The following KCNN2 variants were observed in gnomAD, a reference collection of about 807,000 sequenced individuals.
KCNN2 encodes potassium calcium-activated channel subfamily N member 2.
Under a neutral mutation model 55.5 loss-of-function variants are expected in KCNN2, and 24 were observed. The ratio of observed to expected loss-of-function variants is 0.43; its 90% CI spans 0.31 to 0.61. KCNN2 has a LOEUF of 0.61. Among genes scored for constraint, KCNN2 ranks in the 20% least tolerant of loss-of-function variants. KCNN2 has a pLI of 0.08. For synonymous variants in KCNN2, 431 were observed against 336.1 expected (o/e 1.28, Z -3.09); for missense variants, 754 against 853.6 (o/e 0.88, Z 1.45).
intron 7 of KCNN2, 97 bp from the exon 8 acceptor site, chr5:114,495,798 A>G: frequency 8.5e-7 from 1 of 1,175,392 alleles, no homozygotes; most frequent in South Asian, 1.4e-5. Flanking sequence ...GTTACACTGA[A>G]TGCCACCAGC....
In KCNN2 at chr5:114,323,741, G is replaced by A. The variant is rs920550957; in HGVS notation, c.-184-37204G>A. ...CTGATCTCAGCTCACTGCAACCTCC[G>A]TCTGCCCGGTTCAAGAGATTCTTCA... On this transcript the variant is annotated intron_variant, in intron 2 of 10. Coordinates refer to the KCNN2 transcript ENST00000512097. 2.1e-5 allele frequency among the ~76,000 whole-genome samples: 3 copies of A among 141,140 alleles called. No individual in the cohort carries two copies. The Admixed American group carries it at 2.4e-4, about 11-fold the overall frequency. 92.6% of individuals were successfully genotyped at this position (141,140 alleles called of 152,430 possible). A position where few individuals can be genotyped will look rare whatever the true frequency, so the allele number is the denominator to read the frequency against.
intron 3 of KCNN2, among the ~76,000 whole-genome samples, chr5:114,458,510 G>A (rs183644116): frequency 6.6e-6 from 1 of 152,262 alleles, no homozygotes; most frequent in East Asian, 1.9e-4. Flanking sequence ...GTCAACTTGA[G>A]GACATGTTTC....
At chr5:114,388,249 C>T (rs116674155) in intron 2 of KCNN2, among the ~76,000 whole-genome samples, 1,751 of 152,174 alleles carry the variant, frequency 0.012, 33 homozygotes, top group African/African-American at 0.04. Context: ...TTTCTCCTTT[C>T]TTTCCTTATT....
chr5:114,395,521 A>C (rs1758588870), intron 2 of KCNN2, among the ~76,000 whole-genome samples: 1 of 152,190 alleles, frequency 6.6e-6, no homozygotes, highest in Admixed American at 6.5e-5. Context: ...AAATAATATT[A>C]GTTCTTCTCA....
intron 1 of KCNN2, among the ~76,000 whole-genome samples, chr5:114,059,156 G>A (rs1750272977): frequency 6.6e-6 from 1 of 152,162 alleles, no homozygotes; most frequent in East Asian, 1.9e-4. Flanking sequence ...GACAAGGTTT[G>A]GGTGATGGAT....
chr5:114,454,982 C>T (rs1454815470), intron 3 of KCNN2, among the ~76,000 whole-genome samples: 2 of 152,098 alleles, frequency 1.3e-5, no homozygotes, highest in Admixed American at 6.5e-5. Flanking sequence ...TTACTATTTG[C>T]TCCATCTCTT....
At chr5:114,070,853 A>G (rs114296165) in intron 1 of KCNN2, among the ~76,000 whole-genome samples, 1,703 of 152,300 alleles carry the variant, frequency 0.011, 31 homozygotes, top group African/African-American at 0.04. Flanking sequence ...AGAATTGTGG[A>G]AATTATACTT....
At chr5:114,342,385 A>C (rs1757032974) in intron 2 of KCNN2, among the ~76,000 whole-genome samples, 1 of 152,194 alleles carries the variant, frequency 6.6e-6, no homozygotes, top group Non-Finnish European at 1.5e-5. Context: ...ATTGATGCAG[A>C]TACACAGAAT....
At chr5:114,234,970 G>C (rs1754462301) in intron 2 of KCNN2, among the ~76,000 whole-genome samples, 1 of 152,120 alleles carries the variant, frequency 6.6e-6, no homozygotes, top group African/African-American at 2.4e-5. Context: ...ACATATTTAT[G>C]TCCTGTTTTG....
chr5:114,187,076 A>C (rs570559465), intron 1 of KCNN2, among the ~76,000 whole-genome samples: 7 of 152,224 alleles, frequency 4.6e-5, no homozygotes, highest in Non-Finnish European at 1.0e-4. Context: ...TAAGAGTGAT[A>C]TAACATTAGA....
At chr5:114,494,634 G>A (rs886410961) in intron 7 of KCNN2, among the ~76,000 whole-genome samples, 1 of 152,054 alleles carries the variant, frequency 6.6e-6, no homozygotes, top group Middle Eastern at 3.2e-3. Context: ...GAAATATGAT[G>A]TGGAGATGTA....
chr5:114,273,512 T>A (rs1580681688), intron 2 of KCNN2, among the ~76,000 whole-genome samples: 1 of 152,130 alleles, frequency 6.6e-6, no homozygotes, highest in African/African-American at 2.4e-5. Context: ...CTCTCCAGCA[T>A]CTATTGTTTC....
At chr5:114,257,100 A>T (rs1002294626) in intron 2 of KCNN2, among the ~76,000 whole-genome samples, 1 of 151,876 alleles carries the variant, frequency 6.6e-6, no homozygotes, top group African/African-American at 2.4e-5. Flanking sequence ...TCCCAGCACC[A>T]TTTATTCAGT....
chr5:114,366,079 C>G (rs543645102), intron 2 of KCNN2, among the ~76,000 whole-genome samples: 1 of 152,246 alleles, frequency 6.6e-6, no homozygotes, highest in Non-Finnish European at 1.5e-5. Context: ...TATTAGAACG[C>G]TTAAAATTTA....
chr5:114,058,795 G>T (rs1299056122), intron 1 of KCNN2, among the ~76,000 whole-genome samples: 1 of 152,170 alleles, frequency 6.6e-6, no homozygotes, highest in African/African-American at 2.4e-5. Flanking sequence ...TTGGGTTTAA[G>T]ATTTTAAAAG....
intron 1 of KCNN2, among the ~76,000 whole-genome samples, chr5:114,164,156 T>C (rs552451444): frequency 6.6e-6 from 1 of 152,308 alleles, no homozygotes; most frequent in Non-Finnish European, 1.5e-5. Context: ...TGAAATGTAG[T>C]ATAAGAAATC....
intron 1 of KCNN2, among the ~76,000 whole-genome samples, chr5:114,185,617 C>G (rs1474416599): frequency 6.6e-6 from 1 of 152,196 alleles, no homozygotes; most frequent in Non-Finnish European, 1.5e-5. Context: ...CTGTACTCAC[C>G]CTTTAAACCA....
chr5:114,320,566 A>G (rs1427344563), intron 2 of KCNN2, among the ~76,000 whole-genome samples: 2 of 151,642 alleles, frequency 1.3e-5, no homozygotes, highest in Non-Finnish European at 2.9e-5. Context: ...GTGAGCCGAG[A>G]TCGCGCCACT....
In KCNN2 at chr5:114,461,057, A is replaced by G. The variant is rs1041656345; in HGVS notation, c.1638-1992A>G. ...AGATTATAATCCAGAGTTTATTTCT[A>G]GGGGTTTTATTTTGAAAGGAAAACC... On this transcript the variant is annotated intron_variant, in intron 3 of 7. Coordinates refer to ENST00000673685, the MANE Select transcript of KCNN2 (RefSeq NM_021614.4). Among the ~76,000 whole-genome samples, 10 of 152,222 alleles carry G rather than the reference A, an allele frequency of 6.6e-5. No homozygotes were observed. The East Asian group carries it at 1.4e-3, about 21-fold the overall frequency.
Sources: allele counts gnomAD v4.1 joint callset (sites outside exome capture counted in the v4.1 genomes callset), GRCh38; gene constraint gnomAD v4.1.1; transcripts MANE v1.5; gene names NCBI Gene and HGNC (gene_info 2026-07-23, HGNC 2026-07-21).